Variants in EFCAB6 observed in about 807,000 individuals in gnomAD.
EFCAB6 encodes EF-hand calcium binding domain 6.
In EFCAB6, 156 loss-of-function variants were observed where a neutral mutation model predicts 169.8. The observed-to-expected ratio is 0.92, with a 90% CI of 0.81 to 1.05. The LOEUF (loss-of-function observed/expected upper bound fraction) is 1.05. EFCAB6 is among the 50% of genes least tolerant of loss of function. EFCAB6 has a pLI of 0.00. For synonymous variants in EFCAB6, 698 were observed against 676.4 expected, an observed-to-expected ratio of 1.03 and a Z score of -0.50; for missense variants, 1,800 against 1,829.1, an observed-to-expected ratio of 0.98 and a Z score of 0.29.
intron 25 of EFCAB6, among the ~76,000 whole-genome samples, chr22:43,579,345 C>T (rs994395299): frequency 1.4e-4 from 20 of 148,000 alleles, no homozygotes; most frequent in African/African-American, 2.5e-4. Flanking sequence ...ATTCCCTACA[C>T]GCAGGTATCA....
rs763369376 is a variant in EFCAB6, at chr22:43,632,287, A to G, written c.2099-49T>C. 5 of 1,386,314 alleles carry G rather than the reference A, an allele frequency of 3.6e-6. No homozygotes were observed. The East Asian group carries it at 9.9e-5, about 27-fold the overall frequency. The allele number at this position is 1,386,314 out of a possible 1,614,324, so 85.9% of individuals were successfully genotyped here. ...GTTTCCATTAGTGCCCATCAGCTTC[A>G]TTCCTTCTTTTTTTTTTTTTTTTTT... is the stretch of plus-strand genomic sequence containing the variant. On this transcript the variant is annotated intron_variant, in intron 18 of 31. Coordinates refer to ENST00000262726, the MANE Select transcript of EFCAB6 (RefSeq NM_022785.4).
chr22:43,581,384 C>A (rs1463010298), intron 24 of EFCAB6, among the ~76,000 whole-genome samples: 1 of 150,956 alleles, frequency 6.6e-6, no homozygotes, highest in African/African-American at 2.4e-5. Flanking sequence ...AAATAAAAAT[C>A]CACCTGCATC....
At chr22:43,579,243 C>T (rs1258103881) in intron 25 of EFCAB6, among the ~76,000 whole-genome samples, 1 of 151,296 alleles carries the variant, frequency 6.6e-6, no homozygotes, top group Non-Finnish European at 1.5e-5. Context: ...TCATACCCTA[C>T]ATGCAGGCAT....
chr22:43,797,432 G>A (rs550563048), intron 2 of EFCAB6: 1 of 152,694 alleles, frequency 6.5e-6, no homozygotes, highest in Non-Finnish European at 1.5e-5. Context: ...TACAAGAATG[G>A]AGCCTTTGGG....
In EFCAB6 at chr22:43,744,595, G is replaced by C. The variant is rs992338863; in HGVS notation, c.508-8602C>G. 2.0e-5 allele frequency among the ~76,000 whole-genome samples: 3 copies of C among 152,150 alleles called. No homozygotes were observed. Among genetic ancestry groups the C allele is most frequent in the Non-Finnish European group, 4.4e-5 (3 of 68,032 alleles). On this transcript the variant is annotated intron_variant, in intron 6 of 31. Transcript: ENST00000262726. This position sits in a 1 kb window ranked among gnomAD's most constrained non-coding sequence, Gnocchi z 4.3. ...AGGGAAGGGGACCCAAGCAGCCAAAGGAAGTGAGCTGGACCACCAGGAGTG... is the reference window on the plus strand; with the variant it reads ...AGGGAAGGGGACCCAAGCAGCCAAACGAAGTGAGCTGGACCACCAGGAGTG...
chr22:43,670,741 T>C (rs1054383210), intron 15 of EFCAB6, among the ~76,000 whole-genome samples: 3 of 152,208 alleles, frequency 2.0e-5, no homozygotes, highest in Non-Finnish European at 2.9e-5. Flanking sequence ...CACTGAACTT[T>C]GGTCAGCTGG....
At chr22:43,588,574 G>A (rs901328178) in intron 24 of EFCAB6, among the ~76,000 whole-genome samples, 1 of 152,118 alleles carries the variant, frequency 6.6e-6, no homozygotes, top group African/African-American at 2.4e-5. Context: ...AAATATGTGA[G>A]AGAACAGTCC....
At chr22:43,531,552 C>A (rs1211122700) in intron 30 of EFCAB6, among the ~76,000 whole-genome samples, 2 of 152,188 alleles carry the variant, frequency 1.3e-5, no homozygotes, top group African/African-American at 2.4e-5. Context: ...CATGATTTAG[C>A]CCCAATGTGT....
At chr22:43,661,331 C>T (rs913788331) in intron 17 of EFCAB6, among the ~76,000 whole-genome samples, 2 of 152,084 alleles carry the variant, frequency 1.3e-5, no homozygotes, top group African/African-American at 4.8e-5. Context: ...TGAGCATGAT[C>T]GCACCATTGC....
intron 9 of EFCAB6, among the ~76,000 whole-genome samples, chr22:43,713,665 G>GT (rs2059235977): frequency 6.6e-6 from 1 of 152,190 alleles, no homozygotes; most frequent in South Asian, 2.1e-4. Context: ...CTGTGGACCA[G>GT]AAGCTAAGCT....
At position 43,528,950 on chromosome 22, in the gene EFCAB6, A is replaced by C; in HGVS notation, c.4409T>G (p.Leu1470Arg). 1 of 1,604,368 alleles carries C rather than the reference A, an allele frequency of 6.2e-7. No individual in the cohort carries two copies. The stretch of plus-strand genomic sequence containing the variant: ...AATATGGAAGAACTCTTCCTCAGAG[A>C]GGTTGATGCTGTACTGTCTCAGGAC... ...RTVLRQYSIN[L>R]SEEEFFHILE... Residue 1470 changes from leucine (L) to arginine (R), a missense_variant, in exon 32 of 32, where the codon CTC becomes CGC. Transcript: ENST00000262726.
intron 26 of EFCAB6, among the ~76,000 whole-genome samples, chr22:43,562,817 C>T (rs1329592301): frequency 6.7e-4 from 7 of 10,426 alleles, no homozygotes; most frequent in Admixed American, 1.1e-3. Flanking sequence ...GGAGGCAGCC[C>T]GGTGGGGGAT....
intron 4 of EFCAB6, among the ~76,000 whole-genome samples, chr22:43,770,146 C>T (rs1047653062): frequency 6.6e-5 from 10 of 152,172 alleles, no homozygotes; most frequent in East Asian, 5.8e-4. Context: ...CATGAGCCAC[C>T]GTACCCAGCC....
At chr22:43,603,703 T>C (rs1478499081) in intron 22 of EFCAB6, among the ~76,000 whole-genome samples, 1 of 152,266 alleles carries the variant, frequency 6.6e-6, no homozygotes, top group Non-Finnish European at 1.5e-5. Context: ...GCCCTGCTGA[T>C]GGCCTAGGCC....
intron 20 of EFCAB6, 44 bp downstream of exon 20, chr22:43,626,403 G>A (rs1221173637): frequency 4.4e-6 from 7 of 1,573,478 alleles, no homozygotes; most frequent in Non-Finnish European, 4.4e-6. Context: ...ACAGTGGCAC[G>A]GGCCGGCATA....
intron 10 of EFCAB6, among the ~76,000 whole-genome samples, chr22:43,692,597 A>C (rs764120856): frequency 7.2e-5 from 11 of 152,196 alleles, no homozygotes; most frequent in Admixed American, 2.0e-4. Flanking sequence ...TTTGAAATAA[A>C]AAATTTACTG....
In EFCAB6 at chr22:43,705,890, A is replaced by G. The variant is rs971947297; in HGVS notation, c.1031+5585T>C. On this transcript the variant is annotated intron_variant, in intron 10 of 31. Transcript: ENST00000262726. ...GAAGGAAAGAAATAATAAAGATCAA[A>G]GCAGAAATAAGATACATAGAGACTA... Among the ~76,000 whole-genome samples, 5 of 152,172 alleles carry G rather than the reference A, an allele frequency of 3.3e-5. No individual in the cohort carries two copies. In the South Asian group the frequency reaches 6.2e-4, roughly 19 times the overall value.
At chr22:43,593,178 C>A (rs542577652) in intron 23 of EFCAB6, among the ~76,000 whole-genome samples, 2 of 152,228 alleles carry the variant, frequency 1.3e-5, no homozygotes, top group African/African-American at 4.8e-5. Context: ...TTTTACAAGC[C>A]GATATTTTTG....
rs2047283281 is a variant in EFCAB6, at chr22:43,534,695, T to C, written c.4226A>G (p.His1409Arg). The part of the protein sequence containing the change: ...LMHRMKIQNA[H>R]KMKEAGAETP... ...TGCAGGTGGGCAACATACCATCTTG[T>C]GTGCATTCTGGATCTTCATCCTGTG... The change falls in exon 30 of 32, where the codon CAC becomes CGC. Residue 1409 changes from histidine (H) to arginine (R), a missense_variant. Coordinates refer to ENST00000262726, the MANE Select transcript of EFCAB6 (RefSeq NM_022785.4). The C allele has an allele frequency of 4.4e-6, 7 of 1,604,400 alleles. No individual in the cohort carries two copies. The highest frequency in any genetic ancestry group is 5.9e-6 in the Non-Finnish European group (7 of 1,176,478).
Sources: gnomAD v4.1 joint callset for allele counts (sites outside exome capture counted in the v4.1 genomes callset) on GRCh38, gnomAD v4.1.1 for gene constraint, Gnocchi (gnomAD v3.1) non-coding constraint, MANE v1.5 for transcripts, NCBI Gene and HGNC (gene_info 2026-07-23, HGNC 2026-07-21) for gene names.